The following KCNH1 variants were observed in gnomAD, a reference collection of about 807,000 sequenced individuals.
KCNH1 encodes potassium voltage-gated channel subfamily H member 1.
In KCNH1, 27 loss-of-function variants were observed where a neutral mutation model predicts 69.2. The observed-to-expected ratio is 0.39, with a 90% CI of 0.29 to 0.54. KCNH1 has a LOEUF of 0.54. Among genes scored for constraint, KCNH1 ranks in the 20% least tolerant of loss-of-function variants. The probability of loss-of-function intolerance (pLI) is 0.68; values close to 1 mark genes in which losing one functional copy is unlikely to be tolerated. For missense variants in KCNH1, 798 were observed against 1,261.6 expected (o/e 0.63, Z 5.57); for synonymous variants, 456 against 487.7 (o/e 0.93, Z 0.86).
At chr1:210,959,765 G>A (rs1026627964) in intron 6 of KCNH1, among the ~76,000 whole-genome samples, 5 of 152,220 alleles carry the variant, frequency 3.3e-5, no homozygotes, top group African/African-American at 1.2e-4. Flanking sequence ...CATGAGAAAA[G>A]CACAGTATTT....
At chr1:210,690,650 C>T (rs1681508650) in intron 10 of KCNH1, among the ~76,000 whole-genome samples, 2 of 152,234 alleles carry the variant, frequency 1.3e-5, no homozygotes, top group Admixed American at 1.3e-4. Flanking sequence ...TCAACCCCCT[C>T]AGAAAGATCA....
intron 10 of KCNH1, among the ~76,000 whole-genome samples, chr1:210,743,835 G>A (rs1558450734): frequency 6.6e-6 from 1 of 152,170 alleles, no homozygotes. Context: ...ATAACTCTGG[G>A]AGCCCGCTCT....
chr1:210,972,479 A>G (rs1034185789), intron 6 of KCNH1, among the ~76,000 whole-genome samples: 1 of 152,180 alleles, frequency 6.6e-6, no homozygotes, highest in African/African-American at 2.4e-5. Flanking sequence ...TTTTTTAAAA[A>G]AAGCTTACTT....
At chr1:210,840,848 A>G (rs185635863) in intron 7 of KCNH1, among the ~76,000 whole-genome samples, 4 of 152,280 alleles carry the variant, frequency 2.6e-5, no homozygotes, top group Non-Finnish European at 5.9e-5. Flanking sequence ...TCACAAGCTC[A>G]CCAAAACTAT....
rs1016229790 is a variant in KCNH1, at chr1:210,880,416, A to G, written c.1462+39224T>C. On this transcript the variant is annotated intron_variant, in intron 7 of 10. Coordinates refer to ENST00000271751, the MANE Select transcript of KCNH1 (RefSeq NM_172362.3). ...CAAATAAATCCATGCAACAGAATAGAAAGCCCAGAAATAGACATACAAATA... is the reference window on the plus strand; with the variant it reads ...CAAATAAATCCATGCAACAGAATAGGAAGCCCAGAAATAGACATACAAATA... Among the ~76,000 whole-genome samples, 11 of 152,326 alleles carry G rather than the reference A, an allele frequency of 7.2e-5. No homozygotes were observed. In the East Asian group the frequency reaches 2.1e-3, roughly 29 times the overall value.
At chr1:210,929,548 A>G (rs1240324369) in intron 6 of KCNH1, among the ~76,000 whole-genome samples, 1 of 152,184 alleles carries the variant, frequency 6.6e-6, no homozygotes, top group Admixed American at 6.5e-5. Context: ...AAAGCCATCT[A>G]TGACAAACCC....
intron 6 of KCNH1, among the ~76,000 whole-genome samples, chr1:210,938,120 G>A (rs1009176206): frequency 2.0e-5 from 3 of 152,166 alleles, no homozygotes; most frequent in Admixed American, 6.5e-5. Context: ...CCCCTAACTT[G>A]GAGAATGTGC....
At chr1:210,966,928 G>A (rs1688417478) in intron 6 of KCNH1, among the ~76,000 whole-genome samples, 1 of 152,178 alleles carries the variant, frequency 6.6e-6, no homozygotes. Context: ...TATGTTTATT[G>A]TGGCACTGTT....
At chr1:210,712,887 C>T (rs924947777) in intron 10 of KCNH1, among the ~76,000 whole-genome samples, 5 of 152,224 alleles carry the variant, frequency 3.3e-5, no homozygotes, top group Admixed American at 6.5e-5. Flanking sequence ...GAAGAAGTTA[C>T]GAACAGTTGC....
At chr1:210,897,880 GAA>G (rs1384684629) in intron 7 of KCNH1, among the ~76,000 whole-genome samples, 3 of 152,204 alleles carry the variant, frequency 2.0e-5, no homozygotes, top group African/African-American at 7.2e-5. Context: ...TCCAAGATGG[GAA>G]GGAGACACAA....
At chr1:210,846,011 C>T (rs559002346) in intron 7 of KCNH1, among the ~76,000 whole-genome samples, 2 of 152,116 alleles carry the variant, frequency 1.3e-5, no homozygotes, top group Admixed American at 6.5e-5. Context: ...ACCTGGGAAT[C>T]CAACTTACAA....
intron 7 of KCNH1, among the ~76,000 whole-genome samples, chr1:210,916,450 C>T (rs1687334816): frequency 6.6e-6 from 1 of 152,156 alleles, no homozygotes; most frequent in Admixed American, 6.5e-5. Flanking sequence ...CAACAACAAA[C>T]AAGCAAAGAA....
chr1:211,132,261 A>G (rs910652661), intron 1 of KCNH1, among the ~76,000 whole-genome samples: 2 of 152,228 alleles, frequency 1.3e-5, no homozygotes, highest in African/African-American at 2.4e-5. Flanking sequence ...TAATAGTCCA[A>G]TAAAAATAGC....
intron 6 of KCNH1, among the ~76,000 whole-genome samples, chr1:210,974,338 T>G (rs769185018): frequency 6.6e-6 from 1 of 152,144 alleles, no homozygotes; most frequent in Non-Finnish European, 1.5e-5. Context: ...ATTAATTATT[T>G]GATATTAAAA....
At chr1:210,912,068 C>T (rs1160574) in intron 7 of KCNH1, among the ~76,000 whole-genome samples, 7,208 of 152,272 alleles carry the variant, frequency 0.047, 357 homozygotes, top group East Asian at 0.26. Flanking sequence ...ACCTCTCAAA[C>T]TGTGACCTTA....
chr1:210,742,370 G>A (rs2149037642), intron 10 of KCNH1, among the ~76,000 whole-genome samples: 1 of 152,272 alleles, frequency 6.6e-6, no homozygotes, highest in African/African-American at 2.4e-5. Context: ...TGGAGCCCAT[G>A]GTTTTTATCT....
At chr1:210,954,486 T>C (rs1167487350) in intron 6 of KCNH1, among the ~76,000 whole-genome samples, 1 of 152,254 alleles carries the variant, frequency 6.6e-6, no homozygotes, top group Non-Finnish European at 1.5e-5. Context: ...CCACACTGTC[T>C]TCCACAATGG....
At chr1:210,958,285 G>A (rs1169210194) in intron 6 of KCNH1, among the ~76,000 whole-genome samples, 1 of 152,216 alleles carries the variant, frequency 6.6e-6, no homozygotes, top group Non-Finnish European at 1.5e-5. Context: ...TCTGCTGTTA[G>A]TCTGACAGGC....
rs369345537 is a variant in KCNH1, at chr1:210,683,818, G to A, written c.2433C>T (p.His811=). ...CGGACCCTGGCGCCTGTAGCTTTGC[G>A]TGGTCTGGCACCCCGGAGGTGGAGG... is the stretch of plus-strand genomic sequence containing the variant. ...QAASTSGVPD[H]AKLQAPGSEC... Residue 811 remains histidine, a synonymous_variant, in exon 11 of 11, where the codon CAC becomes CAT. Transcript: ENST00000271751. This position sits in a 1 kb window ranked among gnomAD's most constrained non-coding sequence, Gnocchi z 5.7. 1.9e-5 allele frequency: 31 copies of A among 1,613,778 alleles called. No homozygotes were observed. The highest frequency in any genetic ancestry group is 1.1e-4 in the African/African-American group (8 of 74,942).
Sources: allele counts gnomAD v4.1 joint callset (sites outside exome capture counted in the v4.1 genomes callset), GRCh38; gene constraint gnomAD v4.1.1; non-coding constraint Gnocchi (gnomAD v3.1); transcripts MANE v1.5; gene names NCBI Gene and HGNC (gene_info 2026-07-23, HGNC 2026-07-21).